The following IQGAP1 variants were observed in gnomAD, a reference collection of about 807,000 sequenced individuals.
IQGAP1 encodes the protein IQ motif containing GTPase activating protein 1, also known as ras GTPase-activating-like protein IQGAP1.
In IQGAP1, 66 loss-of-function variants were observed where a neutral mutation model predicts 215.6. That is an observed-to-expected ratio of 0.31 (90% CI 0.25 to 0.38). The LOEUF (loss-of-function observed/expected upper bound fraction) is 0.38. IQGAP1 is among the 10% of genes least tolerant of loss of function. IQGAP1 has a pLI of 1.00. For missense variants in IQGAP1, 1,712 were observed against 1,997.1 expected (o/e 0.86, Z 2.72); for synonymous variants, 772 against 728.7 (o/e 1.06, Z -0.96).
chr15:90,458,801 C>T (rs1019323565), intron 15 of IQGAP1, among the ~76,000 whole-genome samples: 2 of 152,178 alleles, frequency 1.3e-5, no homozygotes, highest in South Asian at 4.1e-4. Context: ...TCAACCCTCT[C>T]CACAGCATCA....
chr15:90,436,614 A>G (rs1747811183), intron 5 of IQGAP1, among the ~76,000 whole-genome samples: 2 of 152,230 alleles, frequency 1.3e-5, no homozygotes, highest in African/African-American at 2.4e-5. Context: ...TAAGAAAAAT[A>G]AATCTAAGTG....
chr15:90,478,193 G>A (rs1319495141), intron 26 of IQGAP1, among the ~76,000 whole-genome samples: 1 of 152,056 alleles, frequency 6.6e-6, no homozygotes. Context: ...GTTTCACCAT[G>A]TTGGCCAGAC....
chr15:90,446,906 T>A (rs1358747719), intron 9 of IQGAP1, among the ~76,000 whole-genome samples: 1 of 152,238 alleles, frequency 6.6e-6, no homozygotes, highest in Non-Finnish European at 1.5e-5. Flanking sequence ...TAAATGTTTA[T>A]AGATATTCAT....
At chr15:90,497,361 A>G (rs962467459) in intron 37 of IQGAP1, 21 bp downstream of exon 37, 2 of 1,224,866 alleles carry the variant, frequency 1.6e-6, no homozygotes, top group African/African-American at 1.5e-5. Flanking sequence ...ACCAGCAGGA[A>G]CCAAAAACTT....
At chr15:90,425,583 T>A (rs1186686193) in intron 2 of IQGAP1, among the ~76,000 whole-genome samples, 1 of 152,236 alleles carries the variant, frequency 6.6e-6, no homozygotes, top group Non-Finnish European at 1.5e-5. Context: ...TATTTACTGC[T>A]TCCATAGGAG....
In IQGAP1 at chr15:90,436,134, C is replaced by G. The variant is rs150861310; in HGVS notation, c.467+2339C>G. Among the ~76,000 whole-genome samples, 886 of 149,160 alleles carry G rather than the reference C, an allele frequency of 5.9e-3. 16 individuals carry two copies. The highest frequency in any genetic ancestry group is 9.2e-3 in the Non-Finnish European group (623 of 67,638). ...AGATAGTCACTGTACTTTAATCATA[C>G]TAAATTACTTTTGTAGATAACATTC... On this transcript the variant is annotated intron_variant, in intron 5 of 37. Transcript: ENST00000268182.
rs1030390414 is a variant in IQGAP1, at chr15:90,455,544, C to T, written c.1613-608C>T. On this transcript the variant is annotated intron_variant, in intron 14 of 37. Transcript: ENST00000268182. ...AGACTTTTTATTATACAGCAGAGTCCTTACAAAAGCAGTACGGCTGCCTAA... is the reference window on the plus strand; with the variant it reads ...AGACTTTTTATTATACAGCAGAGTCTTTACAAAAGCAGTACGGCTGCCTAA... Among the ~76,000 whole-genome samples, 3 of 152,162 alleles carry T rather than the reference C, an allele frequency of 2.0e-5. 1 individual carries two copies. In the East Asian group the frequency reaches 5.8e-4, roughly 29 times the overall value.
In IQGAP1 at chr15:90,439,412, A is replaced by C; in HGVS notation, c.535+13A>C. 6.2e-7 allele frequency: 1 copy of C among 1,605,442 alleles called. No individual in the cohort carries two copies. The highest frequency in any genetic ancestry group is 8.5e-7 in the Non-Finnish European group (1 of 1,172,904). Reference sequence around the variant, plus strand: ...GTTGACTTCACAGGTAAGGAGTTAGATACTTGGCAGGAAATGCTTGAATTA... The same window carrying C: ...GTTGACTTCACAGGTAAGGAGTTAGCTACTTGGCAGGAAATGCTTGAATTA... On this transcript the variant is annotated intron_variant, in intron 6 of 37. Coordinates refer to ENST00000268182, the MANE Select transcript of IQGAP1 (RefSeq NM_003870.4).
chr15:90,454,641 G>T lies in IQGAP1; in HGVS notation c.1612+89G>T, dbSNP rs186679269. The T allele has an allele frequency of 4.1e-4, 555 of 1,362,640 alleles. 2 individuals carry two copies. The highest frequency in any genetic ancestry group is 2.8e-3 in the Admixed American group (104 of 37,574). The allele number at this position is 1,362,640 out of a possible 1,614,324, so 84.4% of individuals were successfully genotyped here. ...TGGTTCAAAATACTACTCCTAGAAG[G>T]ATTTTTGGGTGAGAGATTGAAAATA... is the stretch of plus-strand genomic sequence containing the variant. On this transcript the variant is annotated intron_variant, in intron 14 of 37. Coordinates refer to ENST00000268182, the MANE Select transcript of IQGAP1 (RefSeq NM_003870.4).
chr15:90,397,493 A>G (rs1395746053), intron 2 of IQGAP1, among the ~76,000 whole-genome samples: 2 of 149,214 alleles, frequency 1.3e-5, no homozygotes, highest in African/African-American at 2.5e-5. Flanking sequence ...AGTGAAATAC[A>G]GTAGGCACTC....
At chr15:90,400,197 A>G (rs952408575) in intron 2 of IQGAP1, among the ~76,000 whole-genome samples, 5 of 152,270 alleles carry the variant, frequency 3.3e-5, no homozygotes, top group African/African-American at 1.2e-4. Flanking sequence ...ATTGTCCATT[A>G]TGCCTGTGGT....
chr15:90,405,470 C>G (rs192699651), intron 2 of IQGAP1, among the ~76,000 whole-genome samples: 37 of 152,282 alleles, frequency 2.4e-4, no homozygotes, highest in Non-Finnish European at 4.1e-4. Context: ...ATAATTTATT[C>G]TTTGTGTAAA....
At chr15:90,454,339 A>G in intron 13 of IQGAP1, 89 bp from the exon 14 acceptor site, 1 of 1,511,782 alleles carries the variant, frequency 6.6e-7, no homozygotes, top group Non-Finnish European at 9.1e-7. Flanking sequence ...AGAATATATC[A>G]AATGGTTGGG....
intron 4 of IQGAP1, among the ~76,000 whole-genome samples, chr15:90,433,045 G>T (rs1208432756): frequency 1.3e-5 from 2 of 152,128 alleles, no homozygotes; most frequent in Non-Finnish European, 2.9e-5. Flanking sequence ...ATCTAGCCCT[G>T]CCTTCGTGTG....
intron 30 of IQGAP1, among the ~76,000 whole-genome samples, chr15:90,484,826 A>T (rs539557438): frequency 1.3e-5 from 2 of 152,176 alleles, no homozygotes; most frequent in East Asian, 3.9e-4. Context: ...TGTTATTCTT[A>T]ACAGTATCTA....
chr15:90,474,366 T>C (rs1277330579), intron 22 of IQGAP1, 119 bp from the exon 23 acceptor site: 2 of 877,196 alleles, frequency 2.3e-6, no homozygotes, highest in African/African-American at 3.3e-5. Flanking sequence ...CTGATAGTTG[T>C]CTTAGCACAT....
chr15:90,431,317 G>A (rs1332576962), intron 4 of IQGAP1: 2 of 151,878 alleles, frequency 1.3e-5, no homozygotes, highest in South Asian at 2.1e-4. Context: ...TTACAGCTAC[G>A]TGGCCTGTCT....
chr15:90,432,197 C>G lies in IQGAP1; in HGVS notation c.391-1522C>G, dbSNP rs75322585. On this transcript the variant is annotated intron_variant, in intron 4 of 37. Transcript: ENST00000268182. The stretch of plus-strand genomic sequence containing the variant: ...TTTTCATATCTAAAACTAAATCTAC[C>G]TTTTCCCCAACTGAACTTCCCTTCC... Among the ~76,000 whole-genome samples, 325 of 152,230 alleles carry G rather than the reference C, an allele frequency of 2.1e-3. 1 individual carries two copies. Among genetic ancestry groups the G allele is most frequent in the African/African-American group, 7.3e-3 (302 of 41,542 alleles).
At position 90,472,820 on chromosome 15, in the gene IQGAP1, TG is replaced by T; in HGVS notation, c.2179-19del. 3 of 1,591,772 alleles carry T rather than the reference TG, an allele frequency of 1.9e-6. No individual in the cohort carries two copies. Among genetic ancestry groups the T allele is most frequent in the Non-Finnish European group, 2.6e-6 (3 of 1,166,838 alleles). On this transcript the variant is annotated intron_variant, in intron 18 of 37. Coordinates refer to ENST00000268182, the MANE Select transcript of IQGAP1 (RefSeq NM_003870.4). ...ATTCTTGCCTGTGAATGTCTTTGAA[TG>T]TGACCACTGCTTTTTCAGAGTTCTA...
Sources: gnomAD v4.1 joint callset for allele counts (sites outside exome capture counted in the v4.1 genomes callset) on GRCh38, gnomAD v4.1.1 for gene constraint, MANE v1.5 for transcripts, NCBI Gene and HGNC (gene_info 2026-07-23, HGNC 2026-07-21) for gene names.